The following CHIC1 variants were observed in gnomAD, a reference collection of about 807,000 sequenced individuals.
The protein encoded by CHIC1 is cysteine-rich hydrophobic domain-containing protein 1.
CHIC1 carries 7 observed loss-of-function variants against 18.5 expected under a neutral mutation model. The ratio of observed to expected loss-of-function variants is 0.38; its 90% CI spans 0.22 to 0.71. The LOEUF (loss-of-function observed/expected upper bound fraction) is 0.71, where lower values mean the gene tolerates loss of function less well. CHIC1 is among the 30% of genes least tolerant of loss of function. The probability of loss-of-function intolerance (pLI) is 0.49; values close to 1 mark genes in which losing one functional copy is unlikely to be tolerated. For missense variants in CHIC1, 159 were observed against 176.9 expected, an observed-to-expected ratio of 0.90 and a Z score of 0.57; for synonymous variants, 77 against 73.5, an observed-to-expected ratio of 1.05 and a Z score of -0.25.
chrX:73,676,871 C>G (rs1001167914), intron 3 of CHIC1, among the ~76,000 whole-genome samples: 1 of 111,134 alleles, frequency 9.0e-6, no homozygotes, highest in East Asian at 2.8e-4. Flanking sequence ...TTTTATCTAC[C>G]TTTGGTCTTT....
chrX:73,653,509 T>C (rs868303099), intron 3 of CHIC1, among the ~76,000 whole-genome samples: 1 of 112,187 alleles, frequency 8.9e-6, no homozygotes, highest in South Asian at 3.7e-4. Context: ...TACAGCTTTG[T>C]TCTTTTTGTG....
intron 3 of CHIC1, among the ~76,000 whole-genome samples, chrX:73,674,569 C>T (rs1005728164): frequency 3.3e-4 from 37 of 111,718 alleles, no homozygotes; most frequent in African/African-American, 1.2e-3. Context: ...TCTGTGGGAT[C>T]GGTGGTGATA....
chrX:73,630,390 T>C (rs974123443), intron 3 of CHIC1, among the ~76,000 whole-genome samples: 1 of 111,721 alleles, frequency 9.0e-6, no homozygotes, highest in Non-Finnish European at 1.9e-5. Flanking sequence ...TTGTCATATA[T>C]GGCCTTTATT....
intron 3 of CHIC1, among the ~76,000 whole-genome samples, chrX:73,672,469 T>C (rs1603350695): frequency 8.9e-6 from 1 of 112,262 alleles, no homozygotes; most frequent in African/African-American, 3.2e-5. Flanking sequence ...TTCTAACTGG[T>C]GTGAGATAGC....
intron 3 of CHIC1, among the ~76,000 whole-genome samples, chrX:73,659,648 A>G (rs2057970121): frequency 9.0e-6 from 1 of 111,669 alleles, no homozygotes; most frequent in Admixed American, 9.5e-5. Flanking sequence ...TCAGGTCACA[A>G]ACGTGGAGTT....
chrX:73,649,314 G>A (rs2057904443), intron 3 of CHIC1, among the ~76,000 whole-genome samples: 1 of 111,289 alleles, frequency 9.0e-6, no homozygotes, highest in African/African-American at 3.3e-5. Context: ...TAACCAGCTA[G>A]GATCATGATG....
intron 3 of CHIC1, among the ~76,000 whole-genome samples, chrX:73,651,665 C>T (rs2057917244): frequency 9.0e-6 from 1 of 110,565 alleles, no homozygotes; most frequent in South Asian, 3.8e-4. Context: ...AAGGATACAG[C>T]TAATAAGGGA....
rs12394709 is a variant in CHIC1 at position 73,585,999 on chromosome X, A to G, written c.507+1427A>G. Among the ~76,000 whole-genome samples, 519 of 111,693 alleles carry G rather than the reference A, an allele frequency of 4.6e-3. 2 individuals are homozygous for G. The highest frequency in any genetic ancestry group is 0.016 in the African/African-American group (505 of 30,872). ...GCAAATCTGTCAATTTAAAAAATTT[A>G]TTTAATATAGATTTGCAAATTGTCA... is the stretch of plus-strand genomic sequence containing the variant. On this transcript the variant is annotated intron_variant, in intron 3 of 5. Transcript: ENST00000373502.
intron 3 of CHIC1, among the ~76,000 whole-genome samples, chrX:73,597,604 TACACAC>T (rs761767370): frequency 6.7e-5 from 7 of 103,778 alleles, no homozygotes; most frequent in Non-Finnish European, 1.2e-4. Flanking sequence ...CATATATATA[TACACAC>T]ACACACACAC....
At chrX:73,580,382 C>A (rs913035403) in intron 2 of CHIC1, among the ~76,000 whole-genome samples, 1 of 110,727 alleles carries the variant, frequency 9.0e-6, no homozygotes, top group African/African-American at 3.3e-5. Flanking sequence ...GTATAGTGTA[C>A]AAAATCTATC....
intron 3 of CHIC1, among the ~76,000 whole-genome samples, chrX:73,586,081 A>G (rs1189024530): frequency 9.0e-6 from 1 of 111,677 alleles, no homozygotes; most frequent in Non-Finnish European, 1.9e-5. Context: ...GTTTGCCAAC[A>G]TTTAAACATT....
At chrX:73,641,788 G>A (rs1180491328) in intron 3 of CHIC1, among the ~76,000 whole-genome samples, 1 of 110,083 alleles carries the variant, frequency 9.1e-6, no homozygotes, top group South Asian at 3.9e-4. Context: ...TTGTTCTTGC[G>A]ATGGTTTACT....
chrX:73,662,037 A>T (rs1248332402), intron 3 of CHIC1, among the ~76,000 whole-genome samples: 1 of 109,305 alleles, frequency 9.1e-6, no homozygotes, highest in Non-Finnish European at 1.9e-5. Context: ...TTAAAGTATA[A>T]TAATAAAAAA....
chrX:73,598,592 T>C (rs2057624098), intron 3 of CHIC1, among the ~76,000 whole-genome samples: 1 of 106,372 alleles, frequency 9.4e-6, no homozygotes, highest in Non-Finnish European at 1.9e-5. Context: ...TTTGGCTTTT[T>C]GTTCTTGCGA....
At chrX:73,640,759 C>A (rs2057851899) in intron 3 of CHIC1, among the ~76,000 whole-genome samples, 1 of 111,317 alleles carries the variant, frequency 9.0e-6, no homozygotes, top group Non-Finnish European at 1.9e-5. Context: ...ATTAGTCTAA[C>A]AAGCAGTCTA....
At position 73,563,355 on chromosome X, in the gene CHIC1, A is replaced by C. The variant is rs760875879; in HGVS notation, c.71A>C (p.Glu24Ala). 10 of 1,151,727 alleles carry C rather than the reference A, an allele frequency of 8.7e-6. No homozygotes were observed. In the Admixed American group the frequency reaches 2.7e-4, roughly 31 times the overall value. 94.9% of individuals were successfully genotyped at this position (1,151,727 alleles called of 1,213,427 possible). A position where few individuals can be genotyped will look rare whatever the true frequency, so the allele number is the denominator to read the frequency against. Reference sequence around the variant, plus strand: ...GAACTGGAGGAGGAGGAGGAAGAAGAAGCGGCAACGTCGTCGTCGTCGCCG... The same window carrying C: ...GAACTGGAGGAGGAGGAGGAAGAAGCAGCGGCAACGTCGTCGTCGTCGCCG... ...ISELEEEEEE[E>A]AATSSSSPSS... The change falls in exon 1 of 6, where the codon GAA becomes GCA. Residue 24 changes from glutamate to alanine, a missense_variant. By Grantham distance (107) the Glu-to-Ala change is moderately radical. Transcript: ENST00000373502.
chrX:73,636,947 A>T (rs574184389), intron 3 of CHIC1, among the ~76,000 whole-genome samples: 36 of 111,819 alleles, frequency 3.2e-4, no homozygotes, highest in African/African-American at 1.1e-3. Flanking sequence ...CAATATAATA[A>T]TAATGATGTC....
At chrX:73,678,244 AG>A (rs1384530210) in intron 3 of CHIC1, among the ~76,000 whole-genome samples, 26 of 111,339 alleles carry the variant, frequency 2.3e-4, no homozygotes, top group African/African-American at 8.6e-4. Flanking sequence ...TTGATTGTGG[AG>A]GCTGTGGTAA....
chrX:73,671,432 C>T (rs185492469), intron 3 of CHIC1, among the ~76,000 whole-genome samples: 4 of 111,946 alleles, frequency 3.6e-5, no homozygotes, highest in African/African-American at 6.5e-5. Flanking sequence ...AATTTGTTTG[C>T]TTGATGGTGT....
Sources: gnomAD v4.1 joint callset for allele counts (sites outside exome capture counted in the v4.1 genomes callset) on GRCh38, gnomAD v4.1.1 for gene constraint, MANE v1.5 for transcripts, NCBI Gene and HGNC (gene_info 2026-07-23, HGNC 2026-07-21) for gene names.